FOXN3: variants seen among roughly 807,000 people sequenced by gnomAD.
FOXN3 encodes the protein forkhead box N3.
A neutral mutation model predicts 38.4 loss-of-function variants in FOXN3; 7 were observed. The observed-to-expected ratio is 0.18, with a 90% confidence interval of 0.10 to 0.34. FOXN3 has a LOEUF of 0.34. Ranked by LOEUF, FOXN3 falls within the 10% of genes least tolerant of loss-of-function variation. The pLI is 1.00. For synonymous variants in FOXN3, 230 were observed against 242.2 expected (o/e 0.95, Z 0.47); for missense variants, 456 against 613.4 (o/e 0.74, Z 2.71).
chr14:89,604,187 C>T (rs1896216526), intron 1 of FOXN3, among the ~76,000 whole-genome samples: 1 of 149,704 alleles, frequency 6.7e-6, no homozygotes, highest in Admixed American at 6.8e-5. Context: ...ATAGAGTTTC[C>T]AAAAACAAAG....
At chr14:89,175,857 G>A (rs1887506514) in intron 5 of FOXN3, among the ~76,000 whole-genome samples, 1 of 152,122 alleles carries the variant, frequency 6.6e-6, no homozygotes, top group Non-Finnish European at 1.5e-5. Context: ...GAGATCCAGG[G>A]AGGTTGCTGT....
intron 2 of FOXN3, among the ~76,000 whole-genome samples, chr14:89,358,693 C>T (rs1355515225): frequency 6.6e-6 from 1 of 152,194 alleles, no homozygotes; most frequent in Non-Finnish European, 1.5e-5. Context: ...TCTCCAACTC[C>T]TTCACAGTTT....
At chr14:89,383,540 C>G (rs1041881623) in intron 2 of FOXN3, among the ~76,000 whole-genome samples, 1 of 152,238 alleles carries the variant, frequency 6.6e-6, no homozygotes, top group African/African-American at 2.4e-5. Flanking sequence ...AAGGAGCCGA[C>G]AGGACCTGGG....
intron 1 of FOXN3, among the ~76,000 whole-genome samples, chr14:89,559,741 T>C (rs541718571): frequency 2.6e-5 from 4 of 152,198 alleles, no homozygotes; most frequent in Non-Finnish European, 4.4e-5. Context: ...AAAAACAGTA[T>C]GCAGAAGCAA....
intron 1 of FOXN3, among the ~76,000 whole-genome samples, chr14:89,521,282 C>G (rs187306922): frequency 6.6e-6 from 1 of 151,072 alleles, no homozygotes; most frequent in Admixed American, 6.6e-5. Context: ...TGCACTCCAG[C>G]CTGGCAACAG....
chr14:89,450,806 C>T lies in FOXN3; in HGVS notation c.-14-38316G>A, dbSNP rs551910845. 2.6e-5 allele frequency among the ~76,000 whole-genome samples: 4 copies of T among 152,206 alleles called. No homozygotes were observed. In the South Asian group the frequency reaches 6.2e-4, roughly 24 times the overall value. On this transcript the variant is annotated intron_variant, in intron 1 of 6. Transcript: ENST00000345097. The stretch of plus-strand genomic sequence containing the variant: ...TTCACCATGTTAGTCAGGATGGTCT[C>T]GATCTCCTGATCTGGTGATCCGCCC...
At chr14:89,192,642 CTT>C (rs917650080) in intron 4 of FOXN3, among the ~76,000 whole-genome samples, 63 of 139,366 alleles carry the variant, frequency 4.5e-4, no homozygotes, top group African/African-American at 1.6e-3. Context: ...CTATATAAAT[CTT>C]ATATAGTTTA....
intron 4 of FOXN3, among the ~76,000 whole-genome samples, chr14:89,198,872 C>A (rs1377601795): frequency 6.6e-6 from 1 of 152,242 alleles, no homozygotes. Flanking sequence ...CAATAGAACA[C>A]ATCAAAAGTA....
chr14:89,451,765 C>A (rs1302122210), intron 1 of FOXN3, among the ~76,000 whole-genome samples: 6 of 152,076 alleles, frequency 3.9e-5, no homozygotes, highest in Admixed American at 1.3e-4. Context: ...TTGTTGAAGT[C>A]TTGTGTGTAT....
At chr14:89,442,293 C>T (rs1048081173) in intron 1 of FOXN3, among the ~76,000 whole-genome samples, 4 of 152,136 alleles carry the variant, frequency 2.6e-5, no homozygotes, top group African/African-American at 4.8e-5. Context: ...CCTTTTCCCA[C>T]GCTCATCAAG....
intron 1 of FOXN3, among the ~76,000 whole-genome samples, chr14:89,585,162 T>C (rs1340153378): frequency 2.0e-5 from 3 of 152,204 alleles, no homozygotes; most frequent in South Asian, 2.1e-4. Context: ...CTTTCCTCTA[T>C]AATTTTGCTG....
chr14:89,256,871 T>C (rs117794808), intron 4 of FOXN3, among the ~76,000 whole-genome samples: 4 of 152,362 alleles, frequency 2.6e-5, no homozygotes, highest in Non-Finnish European at 4.4e-5. Flanking sequence ...CGGTTTGATA[T>C]TCTGCCAACA....
At chr14:89,592,513 G>T (rs1895978450) in intron 1 of FOXN3, among the ~76,000 whole-genome samples, 1 of 152,108 alleles carries the variant, frequency 6.6e-6, no homozygotes, top group Non-Finnish European at 1.5e-5. Context: ...TGTTCACATA[G>T]AAAAGATGAA....
intron 1 of FOXN3, among the ~76,000 whole-genome samples, chr14:89,505,222 C>T (rs561694209): frequency 3.3e-5 from 5 of 152,018 alleles, no homozygotes; most frequent in African/African-American, 1.2e-4. Flanking sequence ...TTGCCTAACG[C>T]TACACAGCTA....
intron 3 of FOXN3, among the ~76,000 whole-genome samples, chr14:89,314,588 T>C (rs929102542): frequency 2.0e-5 from 3 of 152,240 alleles, no homozygotes; most frequent in Middle Eastern, 3.2e-3. Flanking sequence ...TCTTGATTCA[T>C]TCATTCAACA....
At chr14:89,355,194 C>G (rs1433345847) in intron 2 of FOXN3, 1 of 121,666 alleles carries the variant, frequency 8.2e-6, no homozygotes, top group Admixed American at 9.2e-5. Context: ...AAATGGTTAG[C>G]AAAAATGTAA....
In FOXN3 at chr14:89,325,283, C is replaced by T. The variant is rs1376261537; in HGVS notation, c.680+25389G>A. Among the ~76,000 whole-genome samples, 10 of 144,456 alleles carry T rather than the reference C, an allele frequency of 6.9e-5. No individual in the cohort carries two copies. The East Asian group carries it at 1.6e-3, about 24-fold the overall frequency. 94.8% of individuals were successfully genotyped at this position (144,456 alleles called of 152,430 possible). ...ACCACCACCATCACCAACACCAACA[C>T]CAACACCACCAACACCAACACCACC... On this transcript the variant is annotated intron_variant, in intron 3 of 5. Transcript: ENST00000557258.
upstream of FOXN3, among the ~76,000 whole-genome samples, chr14:89,421,181 C>G (rs1240509242): frequency 8.5e-6 from 1 of 118,074 alleles, no homozygotes; most frequent in Non-Finnish European, 1.7e-5. Context: ...AAGAGTTTTG[C>G]TCTTGTTGCC....
intron 3 of FOXN3, among the ~76,000 whole-genome samples, chr14:89,343,627 G>GTTTTTTTTTT (rs34453491): frequency 7.1e-6 from 1 of 140,636 alleles, no homozygotes. Context: ...AATGTGTGTG[G>GTTTTTTTTTT]TTTTTTTTTT....
Sources: gnomAD v4.1 joint callset for allele counts (sites outside exome capture counted in the v4.1 genomes callset) on GRCh38, gnomAD v4.1.1 for gene constraint, MANE v1.5 for transcripts, NCBI Gene and HGNC (gene_info 2026-07-23, HGNC 2026-07-21) for gene names.